Variants in PCDHGA6 observed in about 807,000 individuals in gnomAD.
PCDHGA6 encodes the protein protocadherin gamma-A6.
Under a neutral mutation model 60.6 loss-of-function variants are expected in PCDHGA6, and 41 were observed. The observed-to-expected ratio is 0.68, with a 90% CI of 0.53 to 0.88. PCDHGA6 has a LOEUF of 0.88. PCDHGA6 is among the 40% of genes least tolerant of loss of function. The pLI is 0.00. For missense variants in PCDHGA6, 1,312 were observed against 1,203.0 expected, an observed-to-expected ratio of 1.09 and a Z score of -1.34; for synonymous variants, 594 against 524.4, an observed-to-expected ratio of 1.13 and a Z score of -1.81.
chr5:141,431,648 A>G lies in PCDHGA6; in HGVS notation c.2424+55141A>G. 2 of 1,614,240 alleles carry G rather than the reference A, an allele frequency of 1.2e-6. No individual in the cohort carries two copies. The highest frequency in any genetic ancestry group is 1.7e-6 in the Non-Finnish European group (2 of 1,180,046). On this transcript the variant is annotated intron_variant, in intron 1 of 3. Transcript: ENST00000517434. The surrounding 1 kb of genome is among the most constrained non-coding windows in gnomAD (Gnocchi z 4.8). ...GGCCCAAGTTTTCAAACTAGATTGT[A>G]ATTCAGGGACAATATCAACAATAGG...
chr5:141,388,109 C>T, intron 1 of PCDHGA6: 2 of 1,404,160 alleles, frequency 1.4e-6, no homozygotes, highest in Non-Finnish European at 2.0e-6. Context: ...AGCCTTACTT[C>T]ACCGTGAGCG....
intron 1 of PCDHGA6, among the ~76,000 whole-genome samples, chr5:141,450,572 T>A (rs1276283357): frequency 6.6e-6 from 1 of 151,710 alleles, no homozygotes; most frequent in African/African-American, 2.4e-5. Flanking sequence ...CTGCAACTTC[T>A]GCCTCCCAGG....
chr5:141,396,134 A>G (rs970824771), intron 1 of PCDHGA6: 1 of 152,226 alleles, frequency 6.6e-6, no homozygotes, highest in East Asian at 1.9e-4. Context: ...CACAAGTTCT[A>G]AATAAGCTGA....
At chr5:141,470,961 C>T (rs1447105252) in intron 1 of PCDHGA6, among the ~76,000 whole-genome samples, 1 of 152,036 alleles carries the variant, frequency 6.6e-6, no homozygotes, top group Non-Finnish European at 1.5e-5. Context: ...AAGTGATCCT[C>T]CCACCTCAGC....
Position 141,486,178 on chromosome 5 carries a change from C to A in PCDHGA6, c.2425-8629C>A, listed in dbSNP as rs767840363. On this transcript the variant is annotated intron_variant, in intron 1 of 3. Transcript: ENST00000517434. This position sits in a 1 kb window ranked among gnomAD's most constrained non-coding sequence, Gnocchi z 5.0. ...CTCCAGCCATGGAGCAACATTGCAG[C>A]CTTCGAGTGGATCTGCTGGACGTAA... 1.2e-6 allele frequency: 2 copies of A among 1,614,194 alleles called. No homozygotes were observed. The highest frequency in any genetic ancestry group is 2.2e-5 in the East Asian group (1 of 44,882).
chr5:141,486,011 T>C lies in PCDHGA6; in HGVS notation c.2425-8796T>C. The C allele has an allele frequency of 6.2e-7, 1 of 1,614,188 alleles. No individual in the cohort carries two copies. Among genetic ancestry groups the C allele is most frequent in the Non-Finnish European group, 8.5e-7 (1 of 1,180,014 alleles). ...GGGTCCCAGTGGTAACGTCACCTTTTATTTCAGTGGTCATACCCCTGATCG... is the reference window on the plus strand; with the variant it reads ...GGGTCCCAGTGGTAACGTCACCTTTCATTTCAGTGGTCATACCCCTGATCG... On this transcript the variant is annotated intron_variant, in intron 1 of 3. Coordinates refer to ENST00000517434, the MANE Select transcript of PCDHGA6 (RefSeq NM_018919.3). This position sits in a 1 kb window ranked among gnomAD's most constrained non-coding sequence, Gnocchi z 5.0.
rs2099735960 is a variant in PCDHGA6 at position 141,491,997 on chromosome 5, G to A, written c.2425-2810G>A. On this transcript the variant is annotated intron_variant, in intron 1 of 3. Transcript: ENST00000517434. The surrounding 1 kb of genome is among the most constrained non-coding windows in gnomAD (Gnocchi z 6.9). ...CCTTCGAGCTTCCGGTGAATTTCGG[G>A]CGATTTCCGCGGGTGTCGGGGGTCC... The A allele has an allele frequency of 1.5e-6, 1 of 671,074 alleles. No homozygotes were observed. The allele number at this position is 671,074 out of a possible 1,614,324, so 41.6% of individuals were successfully genotyped here.
At chr5:141,395,186 G>A in intron 1 of PCDHGA6, 1 of 1,614,086 alleles carries the variant, frequency 6.2e-7, no homozygotes, top group Non-Finnish European at 8.5e-7. Flanking sequence ...ATGATTCTTT[G>A]TTAACATCCG....
intron 1 of PCDHGA6, among the ~76,000 whole-genome samples, chr5:141,480,960 A>G (rs954219522): frequency 1.3e-5 from 2 of 152,190 alleles, no homozygotes; most frequent in African/African-American, 4.8e-5. Context: ...CGGAAGCATC[A>G]GTGAGGGAGA....
At chr5:141,481,656 A>G (rs1425280340) in intron 1 of PCDHGA6, among the ~76,000 whole-genome samples, 1 of 152,084 alleles carries the variant, frequency 6.6e-6, no homozygotes, top group Non-Finnish European at 1.5e-5. Context: ...CATCTCTACT[A>G]ATAATACAAA....
intron 1 of PCDHGA6, chr5:141,418,009 C>G (rs780624400): frequency 6.2e-7 from 1 of 1,613,776 alleles, no homozygotes; most frequent in African/African-American, 1.3e-5. Context: ...TGGGGAACCT[C>G]GCTAAGGATC....
At chr5:141,434,080 A>G (rs775751994) in intron 1 of PCDHGA6, among the ~76,000 whole-genome samples, 2 of 152,042 alleles carry the variant, frequency 1.3e-5, no homozygotes, top group Non-Finnish European at 2.9e-5. Flanking sequence ...TCAATTATTT[A>G]TTTTGATGCT....
At chr5:141,400,018 A>G in intron 1 of PCDHGA6, 2 of 1,612,648 alleles carry the variant, frequency 1.2e-6, no homozygotes, top group African/African-American at 1.3e-5. Context: ...CTTGGGCGAC[A>G]GGGACGCGGC....
chr5:141,414,067 C>G (rs998058224), intron 1 of PCDHGA6: 1 of 1,607,570 alleles, frequency 6.2e-7, no homozygotes, highest in Non-Finnish European at 8.5e-7. Flanking sequence ...GAAGTTCCAA[C>G]TAAACAAATA....
At chr5:141,446,208 G>GAT (rs1387839424) in intron 1 of PCDHGA6, among the ~76,000 whole-genome samples, 1 of 152,156 alleles carries the variant, frequency 6.6e-6, no homozygotes, top group Non-Finnish European at 1.5e-5. Context: ...CTAGGTGTCT[G>GAT]AAAATATTGT....
At chr5:141,440,617 C>T (rs1469883341) in intron 1 of PCDHGA6, 1 of 152,168 alleles carries the variant, frequency 6.6e-6, no homozygotes, top group East Asian at 1.9e-4. Context: ...TGCAGAAGAT[C>T]CTGATGTTGA....
At chr5:141,499,648 CAT>C (rs1434824310) in intron 2 of PCDHGA6, among the ~76,000 whole-genome samples, 2 of 148,784 alleles carry the variant, frequency 1.3e-5, no homozygotes, top group Admixed American at 6.7e-5. Flanking sequence ...TCTCAGACAT[CAT>C]ATAATTTCAT....
Position 141,415,739 on chromosome 5 carries a change from GGTTTT to G in PCDHGA6, c.2424+39233_2424+39237del, listed in dbSNP as rs2095909931. ...ATGAGTAGAATTTGATGTTTATTAA[GGTTTT>G]TTTTTTTTTTTTTTTTTTTTTTTTT... On this transcript the variant is annotated intron_variant, in intron 1 of 3. Transcript: ENST00000517434. 124 of 435,052 alleles carry G rather than the reference GGTTTT, an allele frequency of 2.9e-4. No homozygotes were observed. The African/African-American group carries it at 3.6e-3, about 13-fold the overall frequency. 26.9% of individuals were successfully genotyped at this position (435,052 alleles called of 1,614,324 possible).
In PCDHGA6 at chr5:141,383,199, G is replaced by A. The variant is rs574670513; in HGVS notation, c.2424+6692G>A. The stretch of plus-strand genomic sequence containing the variant: ...GGGAAGAGATCTGCGCTCAGAGTGC[G>A]CGGTGTCTGGTAAACTTTAACATCC... On this transcript the variant is annotated intron_variant, in intron 1 of 3. Transcript: ENST00000517434. 6.2e-6 allele frequency: 10 copies of A among 1,614,040 alleles called. No homozygotes were observed. The East Asian group carries it at 1.8e-4, about 29-fold the overall frequency.
Sources: allele counts gnomAD v4.1 joint callset (sites outside exome capture counted in the v4.1 genomes callset), GRCh38; gene constraint gnomAD v4.1.1; non-coding constraint Gnocchi (gnomAD v3.1); transcripts MANE v1.5; gene names NCBI Gene and HGNC (gene_info 2026-07-23, HGNC 2026-07-21).